The following CLEC6A variants were observed in gnomAD, a reference collection of about 807,000 sequenced individuals.
The protein encoded by CLEC6A is C-type lectin domain containing 6A, also known as C-type lectin domain family 6 member A.
Under a neutral mutation model 25.7 loss-of-function variants are expected in CLEC6A, and 22 were observed. The observed-to-expected ratio is 0.85, with a 90% CI of 0.61 to 1.22. The LOEUF (loss-of-function observed/expected upper bound fraction) is 1.22, where lower values mean the gene tolerates loss of function less well. Among genes scored for constraint, CLEC6A ranks in the 50% most tolerant of loss-of-function variants. CLEC6A has a pLI of 0.00. For synonymous variants in CLEC6A, 92 were observed against 76.7 expected, an observed-to-expected ratio of 1.20 and a Z score of -1.04; for missense variants, 240 against 236.8, an observed-to-expected ratio of 1.01 and a Z score of -0.09.
Position 8,459,697 on chromosome 12 carries a change from AGGTAAATCTTT to A in CLEC6A, c.223_223+10del, listed in dbSNP as rs754682432. ...GCTTCAGTGAAGGGACAAAGGTGCCAGGTAAATCTTTAAAATACTGAAATAGACTTTCTTTT... is the reference window on the plus strand; with the variant it reads ...GCTTCAGTGAAGGGACAAAGGTGCCAAAAATACTGAAATAGACTTTCTTTT... On this transcript the variant is annotated splice_donor_variant and splice_donor_5th_base_variant and coding_sequence_variant and intron_variant, in exon 3 of 6. Coordinates refer to ENST00000382073, the MANE Select transcript of CLEC6A (RefSeq NM_001007033.2). LOFTEE classifies it high-confidence loss of function. 2.5e-6 allele frequency: 4 copies of A among 1,597,280 alleles called. No individual in the cohort carries two copies. The African/African-American group carries it at 4.0e-5, about 16-fold the overall frequency.
At chr12:8,467,441 G>C (rs773808982) in intron 4 of CLEC6A, among the ~76,000 whole-genome samples, 1 of 152,196 alleles carries the variant, frequency 6.6e-6, no homozygotes, top group African/African-American at 2.4e-5. Flanking sequence ...ATTTGTTAAA[G>C]AGAGATTGTC....
At chr12:8,457,377 A>G (rs925140448) in intron 1 of CLEC6A, among the ~76,000 whole-genome samples, 1 of 152,138 alleles carries the variant, frequency 6.6e-6, no homozygotes, top group Non-Finnish European at 1.5e-5. Flanking sequence ...CTCTGGTTCC[A>G]TCTGTGCTGT....
rs150421040 is a variant in CLEC6A at position 8,467,914 on chromosome 12, T to C, written c.369+2285T>C. Among the ~76,000 whole-genome samples the C allele has an allele frequency of 1.8e-3, 270 of 152,290 alleles. 2 individuals are homozygous for C. Among genetic ancestry groups the C allele is most frequent in the African/African-American group, 5.6e-3 (232 of 41,570 alleles). ...TGGTTAAGATTATTTCTAAGTATTTTATTATTTTTGATGCTACTTTATTTA... is the reference window on the plus strand; with the variant it reads ...TGGTTAAGATTATTTCTAAGTATTTCATTATTTTTGATGCTACTTTATTTA... On this transcript the variant is annotated intron_variant, in intron 4 of 5. Coordinates refer to ENST00000382073, the MANE Select transcript of CLEC6A (RefSeq NM_001007033.2).
intron 4 of CLEC6A, among the ~76,000 whole-genome samples, chr12:8,468,508 A>G (rs907420171): frequency 3.9e-5 from 6 of 152,074 alleles, no homozygotes; most frequent in Non-Finnish European, 5.9e-5. Flanking sequence ...TCTGGCTAGG[A>G]CTTCCAGTAC....
At chr12:8,477,215 TTC>T in intron 5 of CLEC6A, 103 bp from the exon 6 acceptor site, 1 of 827,418 alleles carries the variant, frequency 1.2e-6, no homozygotes. Flanking sequence ...CATTGGAATG[TTC>T]TCTCTTCCTA....
At chr12:8,464,323 C>A (rs145817485) in intron 3 of CLEC6A, among the ~76,000 whole-genome samples, 288 of 56,664 alleles carry the variant, frequency 5.1e-3, no homozygotes, top group Non-Finnish European at 9.6e-3. Context: ...TTTAAAATTT[C>A]TTTCTTTTTC....
chr12:8,467,538 C>A (rs1016690339), intron 4 of CLEC6A, among the ~76,000 whole-genome samples: 3 of 151,934 alleles, frequency 2.0e-5, no homozygotes, highest in Non-Finnish European at 4.4e-5. Flanking sequence ...TATTCTGTTC[C>A]ATTGGTCTCT....
chr12:8,475,996 C>T, intron 4 of CLEC6A, 129 bp from the exon 5 acceptor site: 1 of 556,366 alleles, frequency 1.8e-6, no homozygotes, highest in Non-Finnish European at 3.1e-6. Flanking sequence ...GGTCAGAAGG[C>T]CATCATGTGA....
chr12:8,474,611 C>T (rs1159055119), intron 4 of CLEC6A, among the ~76,000 whole-genome samples: 1 of 152,138 alleles, frequency 6.6e-6, no homozygotes, highest in Non-Finnish European at 1.5e-5. Flanking sequence ...AAGCACTACT[C>T]CCCACCCTGG....
intron 3 of CLEC6A, chr12:8,460,993 A>G: frequency 8.0e-7 from 1 of 1,242,388 alleles, no homozygotes; most frequent in Non-Finnish European, 1.2e-6. Context: ...TGAAGATTCC[A>G]CATAAAAATT....
chr12:8,461,575 A>G (rs1178405820), intron 3 of CLEC6A, among the ~76,000 whole-genome samples: 2 of 152,252 alleles, frequency 1.3e-5, no homozygotes, highest in African/African-American at 4.8e-5. Flanking sequence ...AAAGTTACAG[A>G]AAAGCTTATG....
chr12:8,471,951 C>T (rs1591709580), intron 4 of CLEC6A, among the ~76,000 whole-genome samples: 1 of 152,112 alleles, frequency 6.6e-6, no homozygotes. Flanking sequence ...TTTTAACATT[C>T]TTTCTCTCTG....
At chr12:8,456,322 A>G (rs1194961694) in intron 1 of CLEC6A, among the ~76,000 whole-genome samples, 180 bp downstream of exon 1, 2 of 152,212 alleles carry the variant, frequency 1.3e-5, no homozygotes, top group Admixed American at 1.3e-4. Context: ...ACTTGAAAGA[A>G]TAAGAAAGCA....
At chr12:8,465,385 CG>C in intron 3 of CLEC6A, 98 bp from the exon 4 acceptor site, 3 of 1,173,172 alleles carry the variant, frequency 2.6e-6, no homozygotes, top group Non-Finnish European at 3.6e-6. Flanking sequence ...ACAGTAAAAA[CG>C]TGAATTAAGA....
In CLEC6A at chr12:8,456,061, G is replaced by C. The variant is rs1206386463; in HGVS notation, c.-51G>C. On this transcript the variant is annotated 5_prime_UTR_variant, in exon 1 of 6. Coordinates refer to ENST00000382073, the MANE Select transcript of CLEC6A (RefSeq NM_001007033.2). Reference sequence around the variant, plus strand: ...TGAGTCTCTGGGCAACATCTTTAGGGAGAGAGGTACAAAAGGTTCCTGGAC... The same window carrying C: ...TGAGTCTCTGGGCAACATCTTTAGGCAGAGAGGTACAAAAGGTTCCTGGAC... 4.4e-6 allele frequency: 7 copies of C among 1,591,902 alleles called. No homozygotes were observed. The Admixed American group carries it at 5.0e-5, about 11-fold the overall frequency.
In CLEC6A at chr12:8,477,813, T is replaced by C. The variant is rs1371709380; in HGVS notation, c.*349T>C. On this transcript the variant is annotated 3_prime_UTR_variant, in exon 6 of 6. Transcript: ENST00000382073. ...ATAAGGCAGTATCTTTTGAAAATTA[T>C]GACTTTCCTTCCTCAATATACCATA... The C allele has an allele frequency of 6.3e-6, 1 of 158,240 alleles. No homozygotes were observed. Among genetic ancestry groups the C allele is most frequent in the Non-Finnish European group, 1.4e-5 (1 of 72,170 alleles). 9.8% of individuals were successfully genotyped at this position (158,240 alleles called of 1,614,324 possible). A position where few individuals can be genotyped will look rare whatever the true frequency, so the allele number is the denominator to read the frequency against.
intron 4 of CLEC6A, among the ~76,000 whole-genome samples, chr12:8,475,824 A>G (rs1939966950): frequency 6.6e-6 from 1 of 152,064 alleles, no homozygotes. Context: ...ATCTCAACAT[A>G]TAAAATAAAA....
chr12:8,470,476 G>A (rs926754151), intron 4 of CLEC6A, among the ~76,000 whole-genome samples: 7 of 152,032 alleles, frequency 4.6e-5, no homozygotes, highest in East Asian at 3.9e-4. Context: ...AAAGATACTT[G>A]TACATGCATG....
At chr12:8,464,209 T>TA (rs1939799579) in intron 3 of CLEC6A, among the ~76,000 whole-genome samples, 1 of 152,170 alleles carries the variant, frequency 6.6e-6, no homozygotes, top group East Asian at 1.9e-4. Flanking sequence ...TATAGTTATG[T>TA]AAAAAAATGA....
Sources: allele counts gnomAD v4.1 joint callset (sites outside exome capture counted in the v4.1 genomes callset), GRCh38; gene constraint gnomAD v4.1.1; transcripts MANE v1.5; gene names NCBI Gene and HGNC (gene_info 2026-07-23, HGNC 2026-07-21).